ACBD6: variants seen among roughly 807,000 people sequenced by gnomAD.
The protein encoded by ACBD6 is acyl-CoA-binding domain-containing protein 6.
A neutral mutation model predicts 37.2 loss-of-function variants in ACBD6; 28 were observed. The observed-to-expected ratio is 0.75, with a 90% CI of 0.56 to 1.03. ACBD6 has a LOEUF of 1.03. ACBD6 is among the 50% of genes least tolerant of loss of function. The pLI is 0.00. For synonymous variants in ACBD6, 113 were observed against 126.8 expected (o/e 0.89, Z 0.73); for missense variants, 340 against 337.4 (o/e 1.01, Z -0.06).
chr1:180,300,071 T>C (rs1014889814), intron 7 of ACBD6, among the ~76,000 whole-genome samples: 1 of 152,162 alleles, frequency 6.6e-6, no homozygotes, highest in African/African-American at 2.4e-5. Flanking sequence ...TACAACCTGC[T>C]TAAGGATGGA....
chr1:180,375,972 T>C (rs940026230), intron 6 of ACBD6, among the ~76,000 whole-genome samples: 2 of 152,006 alleles, frequency 1.3e-5, no homozygotes, highest in Non-Finnish European at 2.9e-5. Context: ...TAAAGAACTC[T>C]GAAAAAACTG....
intron 3 of ACBD6, among the ~76,000 whole-genome samples, chr1:180,449,918 A>C (rs575566639): frequency 8.0e-5 from 12 of 149,138 alleles, no homozygotes; most frequent in African/African-American, 3.0e-4. Context: ...AAAAAAAAAA[A>C]ACTTAAAAAA....
chr1:180,417,540 T>C (rs1217997288), intron 4 of ACBD6, among the ~76,000 whole-genome samples: 1 of 152,214 alleles, frequency 6.6e-6, no homozygotes, highest in African/African-American at 2.4e-5. Context: ...ATTAATCTGT[T>C]TTTCTGGACT....
chr1:180,311,928 T>C (rs1019303408), intron 7 of ACBD6, among the ~76,000 whole-genome samples: 3 of 152,228 alleles, frequency 2.0e-5, no homozygotes, highest in Admixed American at 2.0e-4. Flanking sequence ...AGGGAGCATA[T>C]CAGTGGAGCT....
intron 3 of ACBD6, among the ~76,000 whole-genome samples, chr1:180,477,607 A>G (rs553284778): frequency 2.6e-5 from 4 of 152,292 alleles, no homozygotes; most frequent in East Asian, 1.9e-4. Flanking sequence ...TAATCTCCTT[A>G]TAATTTAAAA....
chr1:180,500,979 T>C (rs960504196), intron 1 of ACBD6, among the ~76,000 whole-genome samples: 2 of 152,238 alleles, frequency 1.3e-5, no homozygotes, highest in Non-Finnish European at 2.9e-5. Context: ...ATGTTGCTTA[T>C]GATAAAGCAA....
At chr1:180,452,541 T>C (rs1649752928) in intron 3 of ACBD6, among the ~76,000 whole-genome samples, 1 of 151,600 alleles carries the variant, frequency 6.6e-6, no homozygotes, top group African/African-American at 2.4e-5. Context: ...ATTCAAAAGC[T>C]AGCAGAAGAC....
At chr1:180,368,148 A>C (rs1425618851) in intron 6 of ACBD6, among the ~76,000 whole-genome samples, 1 of 151,104 alleles carries the variant, frequency 6.6e-6, no homozygotes, top group Admixed American at 6.6e-5. Flanking sequence ...AGTGATATTG[A>C]CCTTTTTTTT....
At chr1:180,304,835 C>G (rs1250548098) in intron 7 of ACBD6, among the ~76,000 whole-genome samples, 2 of 151,720 alleles carry the variant, frequency 1.3e-5, no homozygotes, top group African/African-American at 4.8e-5. Context: ...AGGCATCACA[C>G]TACCTGACTT....
intron 3 of ACBD6, among the ~76,000 whole-genome samples, chr1:180,477,535 G>C (rs1650846274): frequency 6.6e-6 from 1 of 151,972 alleles, no homozygotes; most frequent in African/African-American, 2.4e-5. Flanking sequence ...TCTGTTCCTA[G>C]TAACAAAACA....
At chr1:180,271,494 A>G in exon 14 of ACBD6, 1 of 1,614,148 alleles carries the variant, frequency 6.2e-7, no homozygotes, top group East Asian at 2.2e-5. Flanking sequence ...GTGAGGGAGC[A>G]GCTGTCCTCA....
At chr1:180,390,205 T>G (rs1654019508) in intron 6 of ACBD6, among the ~76,000 whole-genome samples, 1 of 152,088 alleles carries the variant, frequency 6.6e-6, no homozygotes. Context: ...GGATCCAGTT[T>G]CAGCTTTCTA....
chr1:180,494,945 C>T (rs1034052460), intron 2 of ACBD6, among the ~76,000 whole-genome samples: 1 of 152,112 alleles, frequency 6.6e-6, no homozygotes, highest in African/African-American at 2.4e-5. Flanking sequence ...TTTGGCTTTT[C>T]ACTGAATTTT....
At chr1:180,485,474 T>C (rs903250785) in intron 3 of ACBD6, among the ~76,000 whole-genome samples, 2 of 152,026 alleles carry the variant, frequency 1.3e-5, no homozygotes, top group African/African-American at 4.8e-5. Context: ...GAGAGGGAGA[T>C]TTGGATATAG....
chr1:180,425,799 T>C (rs534718480), intron 4 of ACBD6, among the ~76,000 whole-genome samples: 1 of 152,348 alleles, frequency 6.6e-6, no homozygotes, highest in South Asian at 2.1e-4. Flanking sequence ...TTTTAGAGTA[T>C]AATTTATGCA....
chr1:180,344,201 T>C (rs756190788), intron 6 of ACBD6, among the ~76,000 whole-genome samples: 1 of 152,022 alleles, frequency 6.6e-6, no homozygotes, highest in Non-Finnish European at 1.5e-5. Context: ...CAGAGCCTAA[T>C]GGTAATTAGA....
intron 1 of ACBD6, among the ~76,000 whole-genome samples, chr1:180,496,582 T>C (rs1410449869): frequency 6.6e-6 from 1 of 152,178 alleles, no homozygotes; most frequent in African/African-American, 2.4e-5. Context: ...TCCTCAGCTT[T>C]TCAAGATGCT....
At chr1:180,276,396 T>G (rs1456386864) in intron 9 of ACBD6, 1 of 152,254 alleles carries the variant, frequency 6.6e-6, no homozygotes, top group Non-Finnish European at 1.5e-5. Flanking sequence ...TCGGGCCCTC[T>G]TCTCTGACCA....
chr1:180,371,015 T>TTAAAAA (rs1653241985), intron 6 of ACBD6, among the ~76,000 whole-genome samples: 1 of 152,064 alleles, frequency 6.6e-6, no homozygotes, highest in Non-Finnish European at 1.5e-5. Context: ...TTCTCTAAAA[T>TTAAAAA]GCCTTAATTT....
Sources: allele counts gnomAD v4.1 joint callset (sites outside exome capture counted in the v4.1 genomes callset), GRCh38; gene constraint gnomAD v4.1.1; transcripts MANE v1.5; gene names NCBI Gene and HGNC (gene_info 2026-07-23, HGNC 2026-07-21).